Variants in NEMF observed in about 807,000 individuals in gnomAD.
NEMF encodes nuclear export mediator factor, also known as ribosome quality control complex subunit NEMF.
A neutral mutation model predicts 162.2 loss-of-function variants in NEMF; 89 were observed. The observed-to-expected ratio is 0.55, with a 90% CI of 0.46 to 0.65. The LOEUF (loss-of-function observed/expected upper bound fraction) is 0.65, where lower values mean the gene tolerates loss of function less well. NEMF is among the 30% of genes least tolerant of loss of function. The pLI, the probability that NEMF is intolerant of heterozygous loss-of-function variation, is 0.00. For missense variants in NEMF, 1,133 were observed against 1,261.9 expected, an observed-to-expected ratio of 0.90 and a Z score of 1.55; for synonymous variants, 421 against 404.5, an observed-to-expected ratio of 1.04 and a Z score of -0.49.
At chr14:49,843,664 T>A (rs1594805548) in intron 4 of NEMF, among the ~76,000 whole-genome samples, 1 of 152,234 alleles carries the variant, frequency 6.6e-6, no homozygotes, top group Non-Finnish European at 1.5e-5. Flanking sequence ...ACCAAAGATA[T>A]GATATAACCT....
intron 8 of NEMF, among the ~76,000 whole-genome samples, chr14:49,832,828 A>G (rs1892710879): frequency 6.6e-6 from 1 of 152,176 alleles, no homozygotes; most frequent in African/African-American, 2.4e-5. Flanking sequence ...GGGCTGACAA[A>G]TGAAAATGTG....
chr14:49,847,173 T>C (rs1402178897), intron 3 of NEMF, among the ~76,000 whole-genome samples: 1 of 151,032 alleles, frequency 6.6e-6, no homozygotes, highest in Non-Finnish European at 1.5e-5. Flanking sequence ...CATGAGCCAC[T>C]GTGCCCAGCC....
chr14:49,842,671 T>G (rs147380120), intron 4 of NEMF, among the ~76,000 whole-genome samples: 10 of 152,250 alleles, frequency 6.6e-5, no homozygotes, highest in Admixed American at 6.5e-4. Context: ...ACCATTTACG[T>G]TGGTTAGAGA....
At chr14:49,821,857 T>G (rs1250616652) in intron 16 of NEMF, among the ~76,000 whole-genome samples, 1 of 151,908 alleles carries the variant, frequency 6.6e-6, no homozygotes, top group Admixed American at 6.6e-5. Context: ...GGCGGTTTTG[T>G]GGAATAGAAA....
chr14:49,791,407 G>C (rs1890441701), intron 26 of NEMF, among the ~76,000 whole-genome samples: 1 of 151,910 alleles, frequency 6.6e-6, no homozygotes, highest in Non-Finnish European at 1.5e-5. Flanking sequence ...TAAAGTATCT[G>C]TATCTGAGTG....
chr14:49,822,808 A>G (rs1256904870), intron 16 of NEMF, among the ~76,000 whole-genome samples: 1 of 151,930 alleles, frequency 6.6e-6, no homozygotes, highest in East Asian at 1.9e-4. Flanking sequence ...AAGTGAAGAA[A>G]GGGAGTATGT....
In NEMF at chr14:49,825,927, TTTG is replaced by T; in HGVS notation, c.1514_1516del (p.Thr505del). ...AGTCTGAACTTCTTTTAATGTTTGC[TTTG>T]TTTTCTTTTCTGCTGACTTGAATGC... On this transcript the variant is annotated inframe_deletion, in exon 16 of 33. Transcript: ENST00000298310. The T allele has an allele frequency of 3.7e-6, 6 of 1,611,572 alleles. No homozygotes were observed. Among genetic ancestry groups the T allele is most frequent in the Non-Finnish European group, 5.1e-6 (6 of 1,178,162 alleles).
intron 26 of NEMF, among the ~76,000 whole-genome samples, chr14:49,791,732 A>G (rs1240691896): frequency 6.8e-5 from 2 of 29,220 alleles, no homozygotes; most frequent in Non-Finnish European, 1.7e-4. Flanking sequence ...GCGAGACTCC[A>G]TTTAAAAAAA....
intron 18 of NEMF, among the ~76,000 whole-genome samples, chr14:49,808,203 TCG>T (rs1443066436): frequency 6.6e-6 from 1 of 152,116 alleles, no homozygotes; most frequent in Non-Finnish European, 1.5e-5. Flanking sequence ...AGACAGAATT[TCG>T]CTCATTGCCC....
Position 49,784,658 on chromosome 14 carries a change from A to AGATT in NEMF, c.3205_3208dup (p.Leu1070GlnfsTer15). On this transcript the variant is annotated frameshift_variant, in exon 33 of 33. Coordinates refer to ENST00000298310, the MANE Select transcript of NEMF (RefSeq NM_004713.6). LOFTEE classifies it high-confidence loss of function. Reference sequence around the variant, plus strand: ...CAGCTATTTCCTTTTTACGTTCAGAAGATTGGGTGCAGACACTTTCACTTT... The same window carrying AGATT: ...CAGCTATTTCCTTTTTACGTTCAGAAGATTGATTGGGTGCAGACACTTTCACTTT... 1 of 1,611,240 alleles carries AGATT rather than the reference A, an allele frequency of 6.2e-7. No individual in the cohort carries two copies. The highest frequency in any genetic ancestry group is 8.5e-7 in the Non-Finnish European group (1 of 1,178,738).
intron 5 of NEMF, among the ~76,000 whole-genome samples, 162 bp downstream of exon 5, chr14:49,840,556 T>C (rs1566705543): frequency 6.6e-6 from 1 of 152,178 alleles, no homozygotes; most frequent in Non-Finnish European, 1.5e-5. Flanking sequence ...ACAGTCTAAA[T>C]TGAGTTACGT....
chr14:49,847,192 C>T (rs775779932), intron 3 of NEMF, among the ~76,000 whole-genome samples: 16 of 150,214 alleles, frequency 1.1e-4, no homozygotes, highest in South Asian at 8.4e-4. Context: ...CCAACCTTTA[C>T]TTATTTATTT....
chr14:49,795,866 ACTTT>A lies in NEMF; in HGVS notation c.2540_2543del (p.Glu847ValfsTer21). ...TCTGATGAGTTTCAATGTGTACAGT[ACTTT>A]CTTTTTCTTTATCCTTTCCCTCTAA... On this transcript the variant is annotated frameshift_variant, in exon 26 of 33. Coordinates refer to ENST00000298310, the MANE Select transcript of NEMF (RefSeq NM_004713.6). LOFTEE classifies it high-confidence loss of function. 6.2e-7 allele frequency: 1 copy of A among 1,613,384 alleles called. No homozygotes were observed. Among genetic ancestry groups the A allele is most frequent in the Non-Finnish European group, 8.5e-7 (1 of 1,179,558 alleles).
At chr14:49,851,535 A>C in intron 3 of NEMF, 28 bp downstream of exon 3, 1 of 1,494,190 alleles carries the variant, frequency 6.7e-7, no homozygotes, top group Non-Finnish European at 9.3e-7. Flanking sequence ...AATCTCTTAA[A>C]ATTTAGCTTC....
intron 4 of NEMF, 73 bp from the exon 5 acceptor site, chr14:49,840,939 G>GT (rs1893171491): frequency 7.3e-7 from 1 of 1,371,482 alleles, no homozygotes; most frequent in Non-Finnish European, 1.0e-6. Flanking sequence ...GCTCACACCT[G>GT]TAACCCCAGC....
At chr14:49,794,253 T>C (rs1325971097) in intron 26 of NEMF, among the ~76,000 whole-genome samples, 2 of 152,182 alleles carry the variant, frequency 1.3e-5, no homozygotes, top group Non-Finnish European at 2.9e-5. Context: ...CCTTCCAAAA[T>C]AAATTTACAA....
chr14:49,840,689 G>A (rs775053320), intron 5 of NEMF, 29 bp downstream of exon 5: 10 of 1,595,102 alleles, frequency 6.3e-6, no homozygotes, highest in Middle Eastern at 3.3e-4. Flanking sequence ...AATACAATAC[G>A]AAATGGGTTT....
chr14:49,810,139 C>T (rs539025785), intron 18 of NEMF, among the ~76,000 whole-genome samples: 1 of 151,854 alleles, frequency 6.6e-6, no homozygotes, highest in East Asian at 1.9e-4. Context: ...GAGGCTGAGG[C>T]GGGCGGATCA....
chr14:49,846,374 G>A lies in NEMF; in HGVS notation c.232-109C>T, dbSNP rs576895217. ...CATTATCATCAGGAATATTTAAAAC[G>A]TTGTGAATAACAGTATAGTCATAAA... On this transcript the variant is annotated intron_variant, in intron 3 of 32. Coordinates refer to ENST00000298310, the MANE Select transcript of NEMF (RefSeq NM_004713.6). 1.1e-3 allele frequency: 1,109 copies of A among 1,006,774 alleles called. 1 individual carries two copies. Among genetic ancestry groups the A allele is most frequent in the Non-Finnish European group, 1.5e-3 (1,012 of 667,298 alleles). 62.4% of individuals were successfully genotyped at this position (1,006,774 alleles called of 1,614,324 possible). A position where few individuals can be genotyped will look rare whatever the true frequency, so the allele number is the denominator to read the frequency against.
Sources: allele counts gnomAD v4.1 joint callset (sites outside exome capture counted in the v4.1 genomes callset), GRCh38; gene constraint gnomAD v4.1.1; transcripts MANE v1.5; gene names NCBI Gene and HGNC (gene_info 2026-07-23, HGNC 2026-07-21).